Variants in MCC observed in about 807,000 individuals in gnomAD.
MCC encodes MCC regulator of Wnt signaling pathway.
In MCC, 90 loss-of-function variants were observed where a neutral mutation model predicts 116.2. The observed-to-expected ratio is 0.77, with a 90% confidence interval of 0.65 to 0.92. The LOEUF (loss-of-function observed/expected upper bound fraction) is 0.92. MCC is among the 40% of genes least tolerant of loss of function. The pLI is 0.00. For synonymous variants in MCC, 578 were observed against 510.5 expected (o/e 1.13, Z -1.78); for missense variants, 1,516 against 1,312.2 (o/e 1.16, Z -2.40).
At chr5:113,187,824 T>C (rs113631867) in intron 3 of MCC, among the ~76,000 whole-genome samples, 22 of 148,126 alleles carry the variant, frequency 1.5e-4, no homozygotes, top group Non-Finnish European at 2.2e-4. Flanking sequence ...GTGACCAAAA[T>C]AGAACATCAA....
intron 3 of MCC, among the ~76,000 whole-genome samples, chr5:113,254,598 T>C (rs1764936360): frequency 6.6e-6 from 1 of 152,196 alleles, no homozygotes. Flanking sequence ...AAGTATGCCA[T>C]GATCCTAAGC....
intron 3 of MCC, among the ~76,000 whole-genome samples, chr5:113,249,308 G>C (rs1764702962): frequency 6.6e-6 from 1 of 152,154 alleles, no homozygotes; most frequent in African/African-American, 2.4e-5. Flanking sequence ...GATCTGCTCA[G>C]AACCAAATAA....
chr5:113,284,704 T>C (rs893969030), intron 3 of MCC, among the ~76,000 whole-genome samples: 1 of 152,248 alleles, frequency 6.6e-6, no homozygotes, highest in Non-Finnish European at 1.5e-5. Context: ...CACCACCCAA[T>C]AGAAGCACTT....
intron 1 of MCC, among the ~76,000 whole-genome samples, chr5:113,421,730 C>T (rs918530460): frequency 3.3e-5 from 5 of 152,176 alleles, no homozygotes; most frequent in Admixed American, 6.5e-5. Context: ...TAAACATCCA[C>T]GGAGCTAATG....
At position 113,475,237 on chromosome 5, in the gene MCC, TG is replaced by T. The variant is rs1301193157; in HGVS notation, c.170+13007del. 3.9e-5 allele frequency among the ~76,000 whole-genome samples: 6 copies of T among 152,372 alleles called. No individual in the cohort carries two copies. The South Asian group carries it at 6.2e-4, about 16-fold the overall frequency. On this transcript the variant is annotated intron_variant, in intron 1 of 18. Coordinates refer to ENST00000408903, the MANE Select transcript of MCC (RefSeq NM_001085377.2). ...TCAAGTATCTGGTATATCACTGATGTGAATGTTTTAAATAATTAAACACAAA... is the reference window on the plus strand; with the variant it reads ...TCAAGTATCTGGTATATCACTGATGTAATGTTTTAAATAATTAAACACAAA...
intron 3 of MCC, among the ~76,000 whole-genome samples, chr5:113,281,909 T>C (rs1273841759): frequency 6.6e-6 from 1 of 152,182 alleles, no homozygotes. Flanking sequence ...GTAGGCCCTA[T>C]AGTAGCAAAA....
At chr5:113,048,555 T>C (rs1467987253) in intron 16 of MCC, 1 of 149,766 alleles carries the variant, frequency 6.7e-6, no homozygotes, top group Non-Finnish European at 1.5e-5. Flanking sequence ...GATGCTGACA[T>C]ATTGTTATAA....
At chr5:113,054,351 C>T (rs977706198) in intron 14 of MCC, among the ~76,000 whole-genome samples, 3 of 152,072 alleles carry the variant, frequency 2.0e-5, no homozygotes, top group Non-Finnish European at 2.9e-5. Flanking sequence ...ATAGTGATAT[C>T]GACAATGGTG....
chr5:113,049,468 C>T (rs1181589986), intron 15 of MCC, among the ~76,000 whole-genome samples, 169 bp from the exon 16 acceptor site: 1 of 152,246 alleles, frequency 6.6e-6, no homozygotes, highest in Admixed American at 6.5e-5. Flanking sequence ...TGGCACCTGT[C>T]ACCACACTTC....
At position 113,457,186 on chromosome 5, in the gene MCC, C is replaced by T. The variant is rs1016668475; in HGVS notation, c.170+31059G>A. Among the ~76,000 whole-genome samples the T allele has an allele frequency of 9.8e-5, 15 of 152,332 alleles. No homozygotes were observed. The East Asian group carries it at 2.9e-3, about 29-fold the overall frequency. On this transcript the variant is annotated intron_variant, in intron 1 of 18. Transcript: ENST00000408903. ...GAACCGGGGCTGCCTGCAGCGCTTG[C>T]GGGCCAGCTGGAGTTCCAGGTGGGC...
At chr5:113,091,380 C>T (rs952555049) in intron 8 of MCC, among the ~76,000 whole-genome samples, 2 of 152,170 alleles carry the variant, frequency 1.3e-5, no homozygotes, top group Admixed American at 1.3e-4. Flanking sequence ...CTGCCAGACA[C>T]AGAGTGAGGA....
At chr5:113,432,320 C>CAAAAAAAAAAAAA (rs66577040) in intron 1 of MCC, among the ~76,000 whole-genome samples, 1 of 68,612 alleles carries the variant, frequency 1.5e-5, no homozygotes, top group Non-Finnish European at 2.9e-5. Context: ...GACTCTGTCT[C>CAAAAAAAAAAAAA]AAAAAAAAAA....
chr5:113,074,235 C>T (rs979113724), intron 11 of MCC, among the ~76,000 whole-genome samples: 1 of 152,224 alleles, frequency 6.6e-6, no homozygotes, highest in Non-Finnish European at 1.5e-5. Context: ...ATTTGCTGTT[C>T]TGCAGCCTCC....
chr5:113,085,054 C>A (rs1755109844), intron 9 of MCC, 110 bp downstream of exon 9: 3 of 1,475,712 alleles, frequency 2.0e-6, no homozygotes, highest in Non-Finnish European at 2.8e-6. Context: ...AGGGGAAGCC[C>A]CTTGTGCTGT....
At chr5:113,159,604 T>G (rs941390342) in intron 3 of MCC, among the ~76,000 whole-genome samples, 1 of 152,214 alleles carries the variant, frequency 6.6e-6, no homozygotes, top group Non-Finnish European at 1.5e-5. Flanking sequence ...CCAGCTATCC[T>G]TGGAGACAGC....
At chr5:113,329,420 A>T (rs1767642484) in intron 3 of MCC, among the ~76,000 whole-genome samples, 1 of 142,978 alleles carries the variant, frequency 7.0e-6, no homozygotes, top group Non-Finnish European at 1.5e-5. Flanking sequence ...ATATCCACAC[A>T]TACATATATA....
intron 1 of MCC, among the ~76,000 whole-genome samples, chr5:113,391,931 T>C (rs939542243): frequency 3.3e-5 from 5 of 152,200 alleles, no homozygotes; most frequent in Non-Finnish European, 7.4e-5. Flanking sequence ...GTTTCCCATA[T>C]GCATGAATAG....
At position 113,049,179 on chromosome 5, in the gene MCC, G is replaced by A. The variant is rs761478021; in HGVS notation, c.2569C>T (p.Leu857=). ...TTCTGCTCCTCCACCTCGGACTTCAGGTGCTCAATGTGCACCAGGTAGGCC... is the reference window on the plus strand; with the variant it reads ...TTCTGCTCCTCCACCTCGGACTTCAAGTGCTCAATGTGCACCAGGTAGGCC... The part of the protein sequence containing the change: ...EQAYLVHIEH[L]KSEVEEQKEQ... The change falls in exon 16 of 19, where the codon CTG becomes TTG. Residue 857 remains leucine, a synonymous_variant. Transcript: ENST00000408903. 6.2e-7 allele frequency: 1 copy of A among 1,614,212 alleles called. No individual in the cohort carries two copies.
intron 5 of MCC, among the ~76,000 whole-genome samples, chr5:113,130,980 T>C (rs1456117245): frequency 6.6e-6 from 1 of 152,188 alleles, no homozygotes; most frequent in East Asian, 1.9e-4. Context: ...CATCTCCAAA[T>C]ACCATCACAA....
Sources: allele counts gnomAD v4.1 joint callset (sites outside exome capture counted in the v4.1 genomes callset), GRCh38; gene constraint gnomAD v4.1.1; transcripts MANE v1.5; gene names NCBI Gene and HGNC (gene_info 2026-07-23, HGNC 2026-07-21).